Variants in CAMKMT observed in about 807,000 individuals in gnomAD.
The protein encoded by CAMKMT is CaM KMT.
In CAMKMT, 53 loss-of-function variants were observed where a neutral mutation model predicts 48.0. That is an observed-to-expected ratio of 1.10 (90% confidence interval 0.89 to 1.39). CAMKMT has a LOEUF of 1.39. Among genes scored for constraint, CAMKMT ranks in the 40% most tolerant of loss-of-function variants. The pLI, the probability that CAMKMT is intolerant of heterozygous loss-of-function variation, is 0.00. For synonymous variants in CAMKMT, 165 were observed against 152.3 expected (o/e 1.08, Z -0.61); for missense variants, 428 against 402.7 (o/e 1.06, Z -0.54).
At chr2:44,588,288 C>T in intron 3 of CAMKMT, among the ~76,000 whole-genome samples, 1 of 68,474 alleles carries the variant, frequency 1.5e-5, no homozygotes, top group African/African-American at 6.3e-5. Flanking sequence ...CCGGCAGCCA[C>T]CCCGTCCGGG....
intron 2 of CAMKMT, among the ~76,000 whole-genome samples, chr2:44,378,479 T>A (rs59046747): frequency 0.34 from 14,570 of 43,286 alleles, 2,285 homozygotes; most frequent in African/African-American, 0.54. Flanking sequence ...TAAGTTTGTT[T>A]GTTTGTTTGT....
chr2:44,413,461 G>T (rs1007505276), intron 3 of CAMKMT, among the ~76,000 whole-genome samples: 1 of 152,066 alleles, frequency 6.6e-6, no homozygotes, highest in African/African-American at 2.4e-5. Flanking sequence ...AGACCAGCCT[G>T]GACAACGTAG....
intron 3 of CAMKMT, among the ~76,000 whole-genome samples, chr2:44,423,758 TTAAAA>T (rs1684085358): frequency 1.3e-5 from 2 of 152,176 alleles, no homozygotes; most frequent in African/African-American, 4.8e-5. Flanking sequence ...ATACATACAG[TTAAAA>T]TAAAATATAT....
At chr2:44,584,194 G>A (rs1159057748) in intron 3 of CAMKMT, among the ~76,000 whole-genome samples, 1 of 152,110 alleles carries the variant, frequency 6.6e-6, no homozygotes, top group Non-Finnish European at 1.5e-5. Flanking sequence ...TATCACTGGT[G>A]TTTTCCTTAT....
chr2:44,503,450 T>C, intron 3 of CAMKMT, among the ~76,000 whole-genome samples: 1 of 152,114 alleles, frequency 6.6e-6, no homozygotes, highest in East Asian at 1.9e-4. Context: ...TTCTAAGATA[T>C]GTGAAAAAGT....
chr2:44,407,303 A>T (rs77899041), intron 3 of CAMKMT, among the ~76,000 whole-genome samples: 8,528 of 152,028 alleles, frequency 0.056, 306 homozygotes, highest in South Asian at 0.14. Context: ...CTAGAAGTAG[A>T]CTGTTAAGTT....
rs1002791562 is a variant in CAMKMT at position 44,618,976 on chromosome 2, T to C, written c.377-85307T>C. Among the ~76,000 whole-genome samples, 5 of 152,208 alleles carry C rather than the reference T, an allele frequency of 3.3e-5. No individual in the cohort carries two copies. Among genetic ancestry groups the C allele is most frequent in the African/African-American group, 1.2e-4 (5 of 41,442 alleles). On this transcript the variant is annotated intron_variant, in intron 3 of 10. Coordinates refer to ENST00000378494, the MANE Select transcript of CAMKMT (RefSeq NM_024766.5). This position sits in a 1 kb window ranked among gnomAD's most constrained non-coding sequence, Gnocchi z 4.0. ...ACTACTGTAAATTCAGATCTACTCATAAATAGTTTGGAAATCACTGGGGAT... is the reference window on the plus strand; with the variant it reads ...ACTACTGTAAATTCAGATCTACTCACAAATAGTTTGGAAATCACTGGGGAT...
At chr2:44,412,518 G>A (rs997811723) in intron 3 of CAMKMT, among the ~76,000 whole-genome samples, 1 of 151,930 alleles carries the variant, frequency 6.6e-6, no homozygotes, top group African/African-American at 2.4e-5. Flanking sequence ...TGTATTTTTA[G>A]TAGAGACAGC....
intron 3 of CAMKMT, among the ~76,000 whole-genome samples, chr2:44,410,247 ATTTTTTTTTTTTTTT>A (rs1164693728): frequency 1.5e-4 from 3 of 19,468 alleles, no homozygotes; most frequent in East Asian, 1.7e-3. Context: ...ATATATATAT[ATTTTTTTTTTTTTTT>A]TTTTTTTTTT....
intron 3 of CAMKMT, among the ~76,000 whole-genome samples, chr2:44,402,879 T>A (rs1067323): frequency 6.8e-6 from 1 of 147,162 alleles, no homozygotes; most frequent in Non-Finnish European, 1.5e-5. Context: ...TCTTTTCATA[T>A]TTCTTAATTG....
chr2:44,482,500 C>T (rs1320578146), intron 3 of CAMKMT, among the ~76,000 whole-genome samples: 2 of 152,076 alleles, frequency 1.3e-5, no homozygotes, highest in African/African-American at 4.8e-5. Context: ...TACCTGGGTA[C>T]TACATAAATA....
intron 3 of CAMKMT, among the ~76,000 whole-genome samples, chr2:44,572,193 C>G (rs1252854206): frequency 1.3e-5 from 2 of 152,126 alleles, no homozygotes; most frequent in Non-Finnish European, 2.9e-5. Context: ...ACTTTTGTCT[C>G]TGTGAATTTC....
At chr2:44,766,642 TA>T in intron 10 of CAMKMT, 81 bp downstream of exon 10, 1 of 1,490,260 alleles carries the variant, frequency 6.7e-7, no homozygotes, top group Non-Finnish European at 9.2e-7. Context: ...GCAGGTAACC[TA>T]AATATTTGAT....
At chr2:44,586,307 A>G (rs764362215) in intron 3 of CAMKMT, among the ~76,000 whole-genome samples, 4 of 151,702 alleles carry the variant, frequency 2.6e-5, no homozygotes, top group African/African-American at 9.7e-5. Flanking sequence ...ACAATTTGAT[A>G]AGTTTTAACA....
chr2:44,619,103 T>C (rs1471455593), intron 3 of CAMKMT, among the ~76,000 whole-genome samples: 1 of 152,218 alleles, frequency 6.6e-6, no homozygotes, highest in Non-Finnish European at 1.5e-5. Context: ...AACATAGATG[T>C]AGTACTAATA....
intron 3 of CAMKMT, among the ~76,000 whole-genome samples, chr2:44,409,327 G>A (rs957988522): frequency 3.3e-5 from 5 of 151,828 alleles, no homozygotes; most frequent in African/African-American, 1.2e-4. Context: ...TGACTTACTG[G>A]TGATTTCTAC....
At chr2:44,737,974 G>C (rs960561342) in intron 7 of CAMKMT, among the ~76,000 whole-genome samples, 2 of 151,418 alleles carry the variant, frequency 1.3e-5, no homozygotes, top group Non-Finnish European at 2.9e-5. Context: ...TCCTGCTTCA[G>C]CCTCCCAAGT....
At chr2:44,447,012 T>C (rs17498998) in intron 3 of CAMKMT, among the ~76,000 whole-genome samples, 29,051 of 152,204 alleles carry the variant, frequency 0.19, 3,721 homozygotes, top group Non-Finnish European at 0.28. Context: ...CTCGTATTCC[T>C]GACAAGCTTA....
At chr2:44,376,661 C>G (rs906728326) in intron 2 of CAMKMT, among the ~76,000 whole-genome samples, 1 of 152,084 alleles carries the variant, frequency 6.6e-6, no homozygotes, top group Non-Finnish European at 1.5e-5. Flanking sequence ...GAAGTGAATA[C>G]CCCCAAGAGG....
Sources: allele counts gnomAD v4.1 joint callset (sites outside exome capture counted in the v4.1 genomes callset), GRCh38; gene constraint gnomAD v4.1.1; non-coding constraint Gnocchi (gnomAD v3.1); transcripts MANE v1.5; gene names NCBI Gene and HGNC (gene_info 2026-07-23, HGNC 2026-07-21).